Variants in ACTR3C observed in about 807,000 individuals in gnomAD.
The protein encoded by ACTR3C is actin related protein 3C, also known as actin-related protein 3C.
Under a neutral mutation model 26.3 loss-of-function variants are expected in ACTR3C, and 18 were observed. That is an observed-to-expected ratio of 0.68 (90% CI 0.47 to 1.01). The LOEUF (loss-of-function observed/expected upper bound fraction) is 1.01, where lower values mean the gene tolerates loss of function less well. Among genes scored for constraint, ACTR3C ranks in the 50% least tolerant of loss-of-function variants. The probability of loss-of-function intolerance (pLI) is 0.00; values close to 1 mark genes in which losing one functional copy is unlikely to be tolerated. For synonymous variants in ACTR3C, 55 were observed against 94.5 expected, an observed-to-expected ratio of 0.58 and a Z score of 2.42; for missense variants, 184 against 250.7, an observed-to-expected ratio of 0.73 and a Z score of 1.80.
At chr7:149,924,364 A>G in the ACTR3C span, among the ~76,000 whole-genome samples, 74,905 of 151,352 alleles carry the variant, frequency 0.49, 18,778 homozygotes, top group East Asian at 0.7. Flanking sequence ...AACAAGAGTG[A>G]AACTCTGACT....
the ACTR3C span, among the ~76,000 whole-genome samples, chr7:149,967,246 A>G: frequency 9.9e-5 from 15 of 151,920 alleles, no homozygotes; most frequent in Admixed American, 9.8e-4. Context: ...TCTGTTAGCC[A>G]GGATGGTCTC....
the ACTR3C span, among the ~76,000 whole-genome samples, chr7:149,950,060 C>T: frequency 1.3e-4 from 19 of 149,500 alleles, no homozygotes; most frequent in African/African-American, 3.0e-4. Flanking sequence ...GCCTGGCAGC[C>T]GCGTGGCTTG....
At chr7:150,180,073 AGGGG>A in the ACTR3C span, among the ~76,000 whole-genome samples, 1 of 151,138 alleles carries the variant, frequency 6.6e-6, no homozygotes, top group Non-Finnish European at 1.5e-5. Context: ...TGGGAGGCCG[AGGGG>A]GGTGGATCAC....
the ACTR3C span, among the ~76,000 whole-genome samples, chr7:150,221,998 C>CAAAAAAAAAAAAAAAAAAAAAAAAAAAAA: frequency 5.0e-5 from 4 of 79,798 alleles, no homozygotes; most frequent in African/African-American, 2.7e-4. Context: ...ACTCCGTCTC[C>CAAAAAAAAAAAAAAAAAAAAAAAAAAAAA]AAAAAAAAAA....
the ACTR3C span, among the ~76,000 whole-genome samples, chr7:150,070,698 C>T: frequency 6.6e-6 from 1 of 152,098 alleles, no homozygotes; most frequent in South Asian, 2.1e-4. Context: ...TGATCTGCCC[C>T]CCTCAGCCTC....
chr7:150,092,804 C>T, the ACTR3C span, among the ~76,000 whole-genome samples: 1 of 151,170 alleles, frequency 6.6e-6, no homozygotes, highest in Non-Finnish European at 1.5e-5. Context: ...CATGACCACA[C>T]TCTCTCCTCT....
At chr7:150,271,011 C>A (rs1176749920) in intron 6 of ACTR3C, among the ~76,000 whole-genome samples, 3 of 151,354 alleles carry the variant, frequency 2.0e-5, no homozygotes, top group African/African-American at 7.4e-5. Flanking sequence ...ACAACACCAT[C>A]AACACAGCAT....
chr7:150,051,091 C>A, the ACTR3C span, among the ~76,000 whole-genome samples: 153 of 135,222 alleles, frequency 1.1e-3, 8 homozygotes, highest in South Asian at 0.035. Context: ...CGACAGAGCA[C>A]GACTCCATCT....
At chr7:150,213,580 C>T in the ACTR3C span, among the ~76,000 whole-genome samples, 1 of 152,122 alleles carries the variant, frequency 6.6e-6, no homozygotes, top group East Asian at 1.9e-4. Flanking sequence ...TGCTCAATTC[C>T]TAAGCATGAT....
At chr7:150,182,133 C>T in the ACTR3C span, among the ~76,000 whole-genome samples, 1 of 150,488 alleles carries the variant, frequency 6.6e-6, no homozygotes, top group Non-Finnish European at 1.5e-5. Context: ...TAAGTTCATT[C>T]CAGTTCCCAA....
the ACTR3C span, among the ~76,000 whole-genome samples, chr7:149,962,629 T>C: frequency 1.8e-3 from 279 of 152,150 alleles, no homozygotes; most frequent in African/African-American, 6.5e-3. Flanking sequence ...CATCAGATAA[T>C]GTCAGGGCAA....
the ACTR3C span, among the ~76,000 whole-genome samples, chr7:150,232,149 G>C: frequency 3.9e-5 from 6 of 151,936 alleles, no homozygotes; most frequent in Non-Finnish European, 8.8e-5. Flanking sequence ...AATTTTTCTT[G>C]CTCTGCTATC....
chr7:150,141,620 TC>T, the ACTR3C span, among the ~76,000 whole-genome samples: 1 of 152,088 alleles, frequency 6.6e-6, no homozygotes, highest in South Asian at 2.1e-4. Flanking sequence ...GAGGCCAGGT[TC>T]TTGGCCTGCC....
At chr7:150,129,301 G>T in the ACTR3C span, among the ~76,000 whole-genome samples, 4 of 152,210 alleles carry the variant, frequency 2.6e-5, no homozygotes, top group African/African-American at 9.6e-5. Context: ...GTTGAATACT[G>T]AACACTTTTC....
At chr7:149,934,335 G>A in the ACTR3C span, among the ~76,000 whole-genome samples, 4 of 152,150 alleles carry the variant, frequency 2.6e-5, 1 homozygote, top group South Asian at 6.2e-4. Flanking sequence ...TCCAGGTGTC[G>A]AGTTTGACTC....
the ACTR3C span, among the ~76,000 whole-genome samples, chr7:149,974,624 T>C: frequency 3.3e-5 from 5 of 152,214 alleles, no homozygotes; most frequent in South Asian, 1.0e-3. Context: ...CCGTCTGTGA[T>C]GGGAACAATC....
At chr7:150,101,840 G>T in the ACTR3C span, among the ~76,000 whole-genome samples, 2 of 151,664 alleles carry the variant, frequency 1.3e-5, no homozygotes, top group Non-Finnish European at 2.9e-5. Flanking sequence ...TAGCACTTTA[G>T]TCTGGGGTGT....
At chr7:150,174,603 A>T in the ACTR3C span, among the ~76,000 whole-genome samples, 3 of 139,384 alleles carry the variant, frequency 2.2e-5, no homozygotes, top group African/African-American at 3.3e-5. Context: ...TTTAAGAACA[A>T]GTCTGTGACA....
chr7:150,236,208 T>C, the ACTR3C span, among the ~76,000 whole-genome samples: 1 of 152,242 alleles, frequency 6.6e-6, no homozygotes, highest in Non-Finnish European at 1.5e-5. Flanking sequence ...GATCATTCTT[T>C]CTCATCAATC....
Sources: gnomAD v4.1 joint callset for allele counts (sites outside exome capture counted in the v4.1 genomes callset) on GRCh38, gnomAD v4.1.1 for gene constraint, MANE v1.5 for transcripts, NCBI Gene and HGNC (gene_info 2026-07-23, HGNC 2026-07-21) for gene names.